Variants in PUM1 observed in about 807,000 individuals in gnomAD.
The protein encoded by PUM1 is pumilio homolog 1.
In PUM1, 13 loss-of-function variants were observed where a neutral mutation model predicts 131.8. That is an observed-to-expected ratio of 0.10 (90% confidence interval 0.06 to 0.16). The LOEUF is 0.16. Among genes scored for constraint, PUM1 ranks in the 10% least tolerant of loss-of-function variants. The pLI, the probability that PUM1 is intolerant of heterozygous loss-of-function variation, is 1.00. For missense variants in PUM1, 961 were observed against 1,512.4 expected (o/e 0.64, Z 6.05); for synonymous variants, 509 against 556.5 (o/e 0.91, Z 1.20).
intron 13 of PUM1, 38 bp downstream of exon 13, chr1:30,965,943 TA>T (rs769162795): frequency 1.9e-5 from 30 of 1,548,348 alleles, no homozygotes; most frequent in South Asian, 7.4e-5. Context: ...TAAAAATAAT[TA>T]AAATTCAGTC....
At chr1:30,985,428 G>A (rs1570205489) in intron 7 of PUM1, among the ~76,000 whole-genome samples, 3 of 151,992 alleles carry the variant, frequency 2.0e-5, no homozygotes, top group South Asian at 4.2e-4. Context: ...CGAGGCAGGC[G>A]GATCACCTGA....
At chr1:30,974,227 C>CATCCA (rs977133218) in intron 10 of PUM1, among the ~76,000 whole-genome samples, 1 of 152,316 alleles carries the variant, frequency 6.6e-6, no homozygotes, top group Middle Eastern at 3.4e-3. Flanking sequence ...TTAAGATTTA[C>CATCCA]ATCCAATCCA....
At chr1:31,012,302 G>A (rs7526989) in intron 3 of PUM1, among the ~76,000 whole-genome samples, 42,383 of 151,458 alleles carry the variant, frequency 0.28, 7,627 homozygotes, top group East Asian at 0.53. Context: ...TCGCAACCCA[G>A]TCATCTGAAT....
At chr1:30,992,749 A>G in intron 6 of PUM1, 89 bp from the exon 7 acceptor site, 1 of 1,090,544 alleles carries the variant, frequency 9.2e-7, no homozygotes, top group Non-Finnish European at 1.3e-6. Context: ...TCCTCAACAT[A>G]GCTCATTATC....
chr1:31,064,809 A>G, intron 1 of PUM1, among the ~76,000 whole-genome samples: 1 of 108,666 alleles, frequency 9.2e-6, no homozygotes, highest in East Asian at 3.0e-4. Flanking sequence ...ACAGGAGTGT[A>G]TTCCTCACTT....
chr1:30,934,677 T>C (rs1044650516), intron 21 of PUM1, among the ~76,000 whole-genome samples: 4 of 152,234 alleles, frequency 2.6e-5, no homozygotes, highest in East Asian at 1.9e-4. Flanking sequence ...GTTTCTGTCA[T>C]GAGAACTTGA....
chr1:31,032,725 T>C (rs543967698), intron 2 of PUM1, among the ~76,000 whole-genome samples: 4 of 152,202 alleles, frequency 2.6e-5, no homozygotes, highest in Non-Finnish European at 5.9e-5. Flanking sequence ...GAGGACTGCT[T>C]GAGCCTCGGA....
At chr1:31,033,325 C>T (rs1643496902) in intron 2 of PUM1, among the ~76,000 whole-genome samples, 1 of 151,310 alleles carries the variant, frequency 6.6e-6, no homozygotes, top group Non-Finnish European at 1.5e-5. Flanking sequence ...CCATCTCAGC[C>T]TCCTGAGCAG....
intron 3 of PUM1, among the ~76,000 whole-genome samples, chr1:31,017,435 G>T (rs756061107): frequency 1.3e-5 from 2 of 152,126 alleles, no homozygotes; most frequent in Non-Finnish European, 2.9e-5. Context: ...TGTCCAACCC[G>T]CAGCCCAGAA....
chr1:30,968,172 A>C (rs1640702250), intron 11 of PUM1, 182 bp downstream of exon 11: 1 of 847,222 alleles, frequency 1.2e-6, no homozygotes, highest in Non-Finnish European at 2.0e-6. Flanking sequence ...AGACTGGCTC[A>C]GAACAATGCT....
chr1:31,033,803 C>T (rs1394282006), intron 2 of PUM1, among the ~76,000 whole-genome samples: 1 of 152,068 alleles, frequency 6.6e-6, no homozygotes, highest in African/African-American at 2.4e-5. Flanking sequence ...CCACCACACC[C>T]AGCTAATTGT....
intron 2 of PUM1, among the ~76,000 whole-genome samples, chr1:31,032,226 C>A (rs61780500): frequency 0.072 from 10,975 of 152,216 alleles, 654 homozygotes; most frequent in East Asian, 0.29. Flanking sequence ...ACAGTCACTG[C>A]CACAGGGCAG....
At chr1:30,999,031 C>CG (rs1472722918) in intron 5 of PUM1, among the ~76,000 whole-genome samples, 1 of 151,854 alleles carries the variant, frequency 6.6e-6, no homozygotes, top group East Asian at 1.9e-4. Flanking sequence ...GACAGGGTCT[C>CG]GCTCTTTCAC....
chr1:31,021,070 A>G (rs1643002522), intron 3 of PUM1, among the ~76,000 whole-genome samples: 1 of 152,240 alleles, frequency 6.6e-6, no homozygotes. Context: ...TGGCCCAGAG[A>G]AAGTACCATC....
chr1:30,973,575 G>A (rs1161163366), intron 10 of PUM1, among the ~76,000 whole-genome samples: 1 of 152,146 alleles, frequency 6.6e-6, no homozygotes, highest in Non-Finnish European at 1.5e-5. Context: ...GGATTTAAAT[G>A]TACCTAGTAA....
chr1:30,970,274 A>G (rs1640820435), intron 10 of PUM1, among the ~76,000 whole-genome samples: 1 of 152,244 alleles, frequency 6.6e-6, no homozygotes, highest in Admixed American at 6.5e-5. Context: ...AAGAGAAGCA[A>G]CACTAATAAC....
chr1:31,039,568 G>A (rs1400688006), intron 2 of PUM1, among the ~76,000 whole-genome samples: 2 of 152,126 alleles, frequency 1.3e-5, no homozygotes, highest in Non-Finnish European at 2.9e-5. Context: ...TTATGTATGT[G>A]TAAGGATTCT....
intron 15 of PUM1, among the ~76,000 whole-genome samples, chr1:30,952,683 C>T (rs949739187): frequency 1.7e-4 from 7 of 41,784 alleles, no homozygotes; most frequent in Non-Finnish European, 2.6e-4. Context: ...GCGGGGGGGG[C>T]GGGGGGGGGG....
At chr1:31,018,278 G>C (rs1336367446) in intron 3 of PUM1, among the ~76,000 whole-genome samples, 1 of 152,050 alleles carries the variant, frequency 6.6e-6, no homozygotes, top group African/African-American at 2.4e-5. Context: ...GAGCCTGGGA[G>C]GTGGAGGTTG....
Sources: gnomAD v4.1 joint callset for allele counts (sites outside exome capture counted in the v4.1 genomes callset) on GRCh38, gnomAD v4.1.1 for gene constraint, MANE v1.5 for transcripts, NCBI Gene and HGNC (gene_info 2026-07-23, HGNC 2026-07-21) for gene names.